Variants in USH2A observed in about 807,000 individuals in gnomAD.
The protein encoded by USH2A is usherin.
USH2A carries 443 observed loss-of-function variants against 538.9 expected under a neutral mutation model. The observed-to-expected ratio is 0.82, with a 90% CI of 0.76 to 0.89. USH2A has a LOEUF of 0.89. USH2A is among the 40% of genes least tolerant of loss of function. The pLI, the probability that USH2A is intolerant of heterozygous loss-of-function variation, is 0.00. For synonymous variants in USH2A, 2,413 were observed against 2,273.5 expected, an observed-to-expected ratio of 1.06 and a Z score of -1.75; for missense variants, 6,633 against 6,324.8, an observed-to-expected ratio of 1.05 and a Z score of -1.65.
chr1:216,325,507 A>C lies in USH2A; in HGVS notation c.941T>G (p.Leu314Trp), dbSNP rs1482649913. 4 of 1,613,832 alleles carry C rather than the reference A, an allele frequency of 2.5e-6. No homozygotes were observed. In the South Asian group the frequency reaches 3.3e-5, roughly 13 times the overall value. Residue 314 changes from leucine to tryptophan, a missense_variant, in exon 6 of 72, where the codon TTG becomes TGG. By Grantham distance (61) the Leu-to-Trp change is moderately conservative. Coordinates refer to ENST00000307340, the MANE Select transcript of USH2A (RefSeq NM_206933.4). ...CPGSHPRVHPLAQRYCIPNDA... is the reference protein window; with the variant it reads ...CPGSHPRVHPWAQRYCIPNDA... ...ATTAGGAATGCAGTACCGCTGTGCC[A>C]AAGGGTGGACCCGCGGGTGGCTGCC...
At chr1:215,726,052 T>C (rs1195035118) in intron 61 of USH2A, among the ~76,000 whole-genome samples, 1 of 152,226 alleles carries the variant, frequency 6.6e-6, no homozygotes, top group African/African-American at 2.4e-5. Flanking sequence ...TTTTAAAAGA[T>C]CAGAGGTTTA....
At chr1:216,325,624 T>C (rs749902772) in intron 5 of USH2A, 25 bp from the exon 6 acceptor site, 10 of 1,608,730 alleles carry the variant, frequency 6.2e-6, no homozygotes, top group Non-Finnish European at 8.5e-7. Context: ...AGGGAGACTG[T>C]AAGGACAAAG....
At chr1:216,065,202 C>T (rs960077659) in intron 30 of USH2A, among the ~76,000 whole-genome samples, 4 of 152,074 alleles carry the variant, frequency 2.6e-5, no homozygotes, top group East Asian at 1.9e-4. Flanking sequence ...TGTGGGATCT[C>T]GCCTTCAAGA....
In USH2A at chr1:216,234,701, CA is replaced by C. The variant is rs558326231; in HGVS notation, c.2810-2566del. On this transcript the variant is annotated intron_variant, in intron 13 of 71. Coordinates refer to ENST00000307340, the MANE Select transcript of USH2A (RefSeq NM_206933.4). Reference sequence around the variant, plus strand: ...AAGTAGAATTAATTTAGACTTACTGCAATAGCTCCAAGCCACAGAGAATTTG... The same window carrying C: ...AAGTAGAATTAATTTAGACTTACTGCATAGCTCCAAGCCACAGAGAATTTG... Among the ~76,000 whole-genome samples the C allele has an allele frequency of 3.9e-5, 6 of 152,104 alleles. No homozygotes were observed. The South Asian group carries it at 1.2e-3, about 32-fold the overall frequency.
intron 40 of USH2A, among the ~76,000 whole-genome samples, chr1:215,892,602 G>T (rs1446394758): frequency 6.6e-6 from 1 of 151,978 alleles, no homozygotes; most frequent in Non-Finnish European, 1.5e-5. Context: ...CTTCCCAAAA[G>T]AATTTTTGAC....
At chr1:216,370,637 C>G (rs1369332164) in intron 3 of USH2A, among the ~76,000 whole-genome samples, 1 of 127,558 alleles carries the variant, frequency 7.8e-6, no homozygotes, top group African/African-American at 3.1e-5. Flanking sequence ...GAGATCGCGC[C>G]ACTGCACTCC....
intron 11 of USH2A, among the ~76,000 whole-genome samples, chr1:216,263,983 A>T (rs1462756151): frequency 6.6e-6 from 1 of 152,170 alleles, no homozygotes; most frequent in Non-Finnish European, 1.5e-5. Flanking sequence ...AGCACAAACT[A>T]GGTAAAAATG....
At chr1:215,876,612 T>C (rs1664781727) in intron 43 of USH2A, among the ~76,000 whole-genome samples, 1 of 152,158 alleles carries the variant, frequency 6.6e-6, no homozygotes, top group East Asian at 1.9e-4. Context: ...ACGTGGTGTT[T>C]AGACAAGCAG....
intron 9 of USH2A, among the ~76,000 whole-genome samples, chr1:216,313,547 C>G (rs2037458210): frequency 6.6e-6 from 1 of 152,074 alleles, no homozygotes; most frequent in Admixed American, 6.6e-5. Context: ...TTACATATAA[C>G]CTTATTTTTA....
chr1:216,297,436 T>C (rs2037129905), intron 9 of USH2A, among the ~76,000 whole-genome samples: 1 of 152,134 alleles, frequency 6.6e-6, no homozygotes, highest in Admixed American at 6.5e-5. Context: ...TGTCTTACTT[T>C]TATCTGACTC....
At chr1:216,169,833 G>C (rs755698245) in intron 21 of USH2A, among the ~76,000 whole-genome samples, 2 of 152,020 alleles carry the variant, frequency 1.3e-5, no homozygotes, top group Non-Finnish European at 2.9e-5. Flanking sequence ...AGGACACATA[G>C]TAGATTATTA....
intron 3 of USH2A, among the ~76,000 whole-genome samples, chr1:216,374,676 A>G (rs1349971894): frequency 6.6e-6 from 1 of 152,086 alleles, no homozygotes; most frequent in African/African-American, 2.4e-5. Context: ...ATGAGTCTCT[A>G]TTTTACTCAG....
At chr1:216,100,412 T>A (rs1244240987) in intron 21 of USH2A, among the ~76,000 whole-genome samples, 1 of 152,226 alleles carries the variant, frequency 6.6e-6, no homozygotes, top group Non-Finnish European at 1.5e-5. Context: ...AGAACAATTA[T>A]ATTTCTACCA....
At chr1:216,140,807 C>T (rs558735675) in intron 21 of USH2A, among the ~76,000 whole-genome samples, 6 of 152,150 alleles carry the variant, frequency 3.9e-5, no homozygotes, top group African/African-American at 1.4e-4. Context: ...AAAGAGCAGG[C>T]CTTCAAGAAA....
chr1:215,953,300 A>G (rs924080754), intron 37 of USH2A, among the ~76,000 whole-genome samples: 5 of 152,182 alleles, frequency 3.3e-5, no homozygotes, highest in Admixed American at 6.5e-5. Flanking sequence ...GCATCACGCT[A>G]CCTGACTTCA....
chr1:215,630,588 CATGCCTGTAATCCCAGCAAT>C (rs1558029660), intron 70 of USH2A, among the ~76,000 whole-genome samples: 1 of 147,484 alleles, frequency 6.8e-6, no homozygotes, highest in Middle Eastern at 3.4e-3. Flanking sequence ...TGCGGTGGCT[CATGCCTGTAATCCCAGCAAT>C]TTGGGAGGCC....
At chr1:216,293,173 C>T (rs982377297) in intron 9 of USH2A, among the ~76,000 whole-genome samples, 11 of 151,940 alleles carry the variant, frequency 7.2e-5, no homozygotes, top group South Asian at 2.1e-4. Context: ...TACAGGCGCC[C>T]GCCACCACGC....
intron 37 of USH2A, among the ~76,000 whole-genome samples, chr1:215,952,177 GTT>G (rs994065359): frequency 1.3e-5 from 2 of 152,182 alleles, no homozygotes; most frequent in Non-Finnish European, 2.9e-5. Flanking sequence ...TTTAAAGTCT[GTT>G]TTATCAGAGA....
At chr1:215,645,301 T>A (rs535945767) in intron 67 of USH2A, among the ~76,000 whole-genome samples, 1 of 152,126 alleles carries the variant, frequency 6.6e-6, no homozygotes, top group Non-Finnish European at 1.5e-5. Context: ...AGAGTAGTAC[T>A]GAGACAGCAG....
Sources: gnomAD v4.1 joint callset for allele counts (sites outside exome capture counted in the v4.1 genomes callset) on GRCh38, gnomAD v4.1.1 for gene constraint, MANE v1.5 for transcripts, NCBI Gene and HGNC (gene_info 2026-07-23, HGNC 2026-07-21) for gene names.